ZWILCH: variants seen among roughly 807,000 people sequenced by gnomAD.
ZWILCH encodes zwilch kinetochore protein, also known as protein zwilch homolog.
Under a neutral mutation model 79.9 loss-of-function variants are expected in ZWILCH, and 74 were observed. That is an observed-to-expected ratio of 0.93 (90% CI 0.77 to 1.12). The LOEUF (loss-of-function observed/expected upper bound fraction) is 1.12, where lower values mean the gene tolerates loss of function less well. ZWILCH is among the 50% of genes most tolerant of loss of function. The pLI, the probability that ZWILCH is intolerant of heterozygous loss-of-function variation, is 0.00. For synonymous variants in ZWILCH, 241 were observed against 228.2 expected (o/e 1.06, Z -0.51); for missense variants, 694 against 687.5 (o/e 1.01, Z -0.11).
At chr15:66,514,277 C>A (rs1423293049) in intron 3 of ZWILCH, 194 bp downstream of exon 3, 8 of 318,140 alleles carry the variant, frequency 2.5e-5, no homozygotes, top group Non-Finnish European at 3.5e-5. Flanking sequence ...CTTGTAGCCT[C>A]ATTAAGAAAT....
At chr15:66,537,321 G>T in intron 16 of ZWILCH, 58 bp downstream of exon 16, 2 of 1,284,460 alleles carry the variant, frequency 1.6e-6, no homozygotes, top group South Asian at 1.2e-5. Context: ...ACTATGGGAG[G>T]CTGAGGTGGG....
At chr15:66,519,648 G>A (rs1414230430) in intron 5 of ZWILCH, among the ~76,000 whole-genome samples, 1 of 151,982 alleles carries the variant, frequency 6.6e-6, no homozygotes, top group South Asian at 2.1e-4. Flanking sequence ...TAGAGACGGG[G>A]TTACACCATA....
At chr15:66,520,371 T>C (rs1036519403) in intron 5 of ZWILCH, 18 of 428,998 alleles carry the variant, frequency 4.2e-5, no homozygotes, top group African/African-American at 3.5e-4. Flanking sequence ...TCCTCCCTCC[T>C]TGGCCTCCTA....
chr15:66,525,999 A>G (rs201054357), intron 8 of ZWILCH, among the ~76,000 whole-genome samples: 2 of 151,764 alleles, frequency 1.3e-5, no homozygotes, highest in African/African-American at 4.8e-5. Context: ...CCTGACCTCA[A>G]GTGATCCACC....
intron 5 of ZWILCH, 164 bp from the exon 6 acceptor site, chr15:66,520,426 T>G (rs1894449608): frequency 6.9e-6 from 4 of 578,720 alleles, no homozygotes; most frequent in South Asian, 5.8e-5. Context: ...CAGCCCACTT[T>G]CATTCTCTTA....
intron 17 of ZWILCH, among the ~76,000 whole-genome samples, chr15:66,544,719 GGT>G (rs1491240730): frequency 5.8e-4 from 26 of 44,760 alleles, no homozygotes; most frequent in African/African-American, 1.7e-3. Context: ...TTGTTTTTTT[GGT>G]TTTTGTGTGT....
At chr15:66,522,719 A>G (rs1722504920) in intron 7 of ZWILCH, among the ~76,000 whole-genome samples, 1 of 152,266 alleles carries the variant, frequency 6.6e-6, no homozygotes, top group African/African-American at 2.4e-5. Flanking sequence ...AAGAAAAAGT[A>G]TAAATTATTT....
Position 66,548,625 on chromosome 15 carries a change from G to A in ZWILCH, c.*301G>A, listed in dbSNP as rs566134777. ...AGGGCTCTGAAATGACAAAGAGAAC[G>A]AGCACCACAAATGAGAACAGGATCA... is the stretch of plus-strand genomic sequence containing the variant. On this transcript the variant is annotated 3_prime_UTR_variant, in exon 19 of 19. Coordinates refer to ENST00000307897, the MANE Select transcript of ZWILCH (RefSeq NM_017975.5). 35 of 1,260,038 alleles carry A rather than the reference G, an allele frequency of 2.8e-5. No homozygotes were observed. Among genetic ancestry groups the A allele is most frequent in the African/African-American group, 1.6e-4 (11 of 68,146 alleles). The allele number at this position is 1,260,038 out of a possible 1,614,324, so 78.1% of individuals were successfully genotyped here.
intron 2 of ZWILCH, among the ~76,000 whole-genome samples, chr15:66,509,847 ATATATATATATATATATATATATC>A (rs1218965420): frequency 2.8e-5 from 3 of 108,290 alleles, no homozygotes; most frequent in Non-Finnish European, 6.0e-5. Context: ...ATATATATAT[ATATATATATATATATATATATATC>A]TCTTAAAAAT....
Position 66,532,343 on chromosome 15 carries a change from C to G in ZWILCH, c.1252C>G (p.Gln418Glu). The change falls in exon 13 of 19, where the codon CAA (glutamine) becomes GAA (glutamate). Residue 418 changes from glutamine (Q) to glutamate (E), a missense_variant. Transcript: ENST00000307897. Reference protein sequence around the residue: ...TVSLSGTIPVQMLLEIGLDKL... With the variant: ...TVSLSGTIPVEMLLEIGLDKL... The stretch of plus-strand genomic sequence containing the variant: ...TTCTCTCAGTGGGACTATTCCAGTT[C>G]AAATGCTTTTGGAAATTGGTTTGGA... 1 of 1,611,962 alleles carries G rather than the reference C, an allele frequency of 6.2e-7. No homozygotes were observed. Among genetic ancestry groups the G allele is most frequent in the Non-Finnish European group, 8.5e-7 (1 of 1,179,100 alleles).
Position 66,524,712 on chromosome 15 carries a change from C to T in ZWILCH, c.819+964C>T, listed in dbSNP as rs1894613665. Among the ~76,000 whole-genome samples the T allele has an allele frequency of 4.6e-5, 7 of 152,282 alleles. No individual in the cohort carries two copies. In the South Asian group the frequency reaches 1.4e-3, roughly 32 times the overall value. On this transcript the variant is annotated intron_variant, in intron 8 of 18. Transcript: ENST00000307897. ...TGAGTGCCTGGTTCCCTATTGTGCC[C>T]TTACCATCTAGCATAGTACCAACTA...
rs1485031832 is a variant in ZWILCH, at chr15:66,525,330, ATG to A, written c.819+1588_819+1589del. ...GAAGAGCTGGCACAAGTTCATTTAA[ATG>A]TGTGTTTGTCTAATTCAAGTCTCCC... is the stretch of plus-strand genomic sequence containing the variant. On this transcript the variant is annotated intron_variant, in intron 8 of 18. Transcript: ENST00000307897. Among the ~76,000 whole-genome samples, 3 of 152,308 alleles carry A rather than the reference ATG, an allele frequency of 2.0e-5. No homozygotes were observed. The East Asian group carries it at 5.8e-4, about 29-fold the overall frequency.
At chr15:66,542,941 G>A (rs969883160) in intron 17 of ZWILCH, among the ~76,000 whole-genome samples, 2 of 152,236 alleles carry the variant, frequency 1.3e-5, no homozygotes, top group Non-Finnish European at 2.9e-5. Flanking sequence ...TTTGGTGTCT[G>A]TGCTGGCGTG....
chr15:66,540,123 GA>G lies in ZWILCH; in HGVS notation c.1603del (p.Ile535TyrfsTer14). ...TGAGAAGCCACAGAAATGGAGAGTGGAAATATATAGTGGTCAAAAGAAGATT... is the reference window on the plus strand; with the variant it reads ...TGAGAAGCCACAGAAATGGAGAGTGGAATATATAGTGGTCAAAAGAAGATT... ...QSEKPQKWRV[E>X]IYSGQKKIKT... On this transcript the variant is annotated frameshift_variant, in exon 17 of 19. Transcript: ENST00000307897. LOFTEE classifies it high-confidence loss of function. 6.2e-7 allele frequency: 1 copy of G among 1,612,014 alleles called. No homozygotes were observed. Among genetic ancestry groups the G allele is most frequent in the Non-Finnish European group, 8.5e-7 (1 of 1,179,334 alleles).
intron 8 of ZWILCH, 89 bp downstream of exon 8, chr15:66,523,837 C>A: frequency 9.2e-7 from 1 of 1,084,524 alleles, no homozygotes; most frequent in Non-Finnish European, 1.4e-6. Context: ...TTGTGTTACT[C>A]AAAACTTCTT....
intron 2 of ZWILCH, among the ~76,000 whole-genome samples, chr15:66,513,437 A>C (rs766981525): frequency 1.3e-5 from 2 of 151,944 alleles, no homozygotes; most frequent in Non-Finnish European, 2.9e-5. Flanking sequence ...GCGGTGGCAC[A>C]CACCTGAAGT....
At chr15:66,509,726 C>T (rs2140735175) in intron 2 of ZWILCH, among the ~76,000 whole-genome samples, 1 of 125,852 alleles carries the variant, frequency 7.9e-6, no homozygotes, top group South Asian at 2.4e-4. Flanking sequence ...AATTAGCAAA[C>T]TAAAATAAAG....
chr15:66,543,986 CAT>C (rs1170694015), intron 17 of ZWILCH, among the ~76,000 whole-genome samples: 4 of 152,178 alleles, frequency 2.6e-5, no homozygotes, highest in South Asian at 4.1e-4. Flanking sequence ...AAGAAGAAAA[CAT>C]ATGGCTCACG....
chr15:66,544,318 G>A (rs2140813331), intron 17 of ZWILCH, among the ~76,000 whole-genome samples: 1 of 152,084 alleles, frequency 6.6e-6, no homozygotes. Context: ...CGTATTTTAT[G>A]GTTAAAAAGA....
Sources: allele counts gnomAD v4.1 joint callset (sites outside exome capture counted in the v4.1 genomes callset), GRCh38; gene constraint gnomAD v4.1.1; transcripts MANE v1.5; gene names NCBI Gene and HGNC (gene_info 2026-07-23, HGNC 2026-07-21).